KLHL26: variants seen among roughly 807,000 people sequenced by gnomAD.
KLHL26 encodes the protein kelch like family member 26.
In KLHL26, 4 loss-of-function variants were observed where a neutral mutation model predicts 7.1. The observed-to-expected ratio is 0.56, with a 90% CI of 0.28 to 1.28. The LOEUF is 1.28. Among genes scored for constraint, KLHL26 ranks in the 50% most tolerant of loss-of-function variants. The probability of loss-of-function intolerance (pLI) is 0.11; values close to 1 mark genes in which losing one functional copy is unlikely to be tolerated. For missense variants in KLHL26, 896 were observed against 924.6 expected, an observed-to-expected ratio of 0.97 and a Z score of 0.40; for synonymous variants, 465 against 414.1, an observed-to-expected ratio of 1.12 and a Z score of -1.49.
At position 18,649,198 on chromosome 19, in the gene KLHL26, T is replaced by C. The variant is rs1415513427; in HGVS notation, c.83+12061T>C. Among the ~76,000 whole-genome samples the C allele has an allele frequency of 6.6e-6, 1 of 152,218 alleles. No individual in the cohort carries two copies. The highest frequency in any genetic ancestry group is 1.5e-5 in the Non-Finnish European group (1 of 68,036). ...GGTACATTCTCTGCTTGAGGACCCA[T>C]GTCCCTGTAGAATGTACGTTCCCCA... On this transcript the variant is annotated intron_variant, in intron 1 of 2. Transcript: ENST00000300976. This position sits in a 1 kb window ranked among gnomAD's most constrained non-coding sequence, Gnocchi z 4.0.
In KLHL26 at chr19:18,656,796, C is replaced by G. The variant is rs1332912832; in HGVS notation, c.84-7465C>G. ...GCCTGGCCTGCCCAGCACGCCTGCC[C>G]TCCCAGCACAGGGCGGGAGTGGCGG... is the stretch of plus-strand genomic sequence containing the variant. On this transcript the variant is annotated intron_variant, in intron 1 of 2. Coordinates refer to ENST00000300976, the MANE Select transcript of KLHL26 (RefSeq NM_018316.3). This position sits in a 1 kb window ranked among gnomAD's most constrained non-coding sequence, Gnocchi z 4.4. Among the ~76,000 whole-genome samples the G allele has an allele frequency of 6.6e-6, 1 of 152,186 alleles. No homozygotes were observed. The highest frequency in any genetic ancestry group is 1.5e-5 in the Non-Finnish European group (1 of 68,028).
rs541956819 is a variant in KLHL26, at chr19:18,670,085, G to A, written c.*840G>A. 1.3e-5 allele frequency: 2 copies of A among 152,334 alleles called. No individual in the cohort carries two copies. Among genetic ancestry groups the A allele is most frequent in the South Asian group, 2.1e-4 (1 of 4,824 alleles). The allele number at this position is 152,334 out of a possible 1,614,324, so 9.4% of individuals were successfully genotyped here. ...GACGCTAACTTCAGAATCCCATAGTGGCGCTTGCCGCAGGTCTGGTGGGGT... is the reference window on the plus strand; with the variant it reads ...GACGCTAACTTCAGAATCCCATAGTAGCGCTTGCCGCAGGTCTGGTGGGGT... On this transcript the variant is annotated 3_prime_UTR_variant, in exon 3 of 3. Coordinates refer to ENST00000300976, the MANE Select transcript of KLHL26 (RefSeq NM_018316.3).
Position 18,637,142 on chromosome 19 carries a change from G to T in KLHL26, c.83+5G>T. ...GGGCCCCGAGCGCCCGAACAGGTGA[G>T]ACCCGGCCCGCAGGATAGACCTGCA... is the stretch of plus-strand genomic sequence containing the variant. On this transcript the variant is annotated splice_donor_5th_base_variant and intron_variant, in intron 1 of 2. Transcript: ENST00000300976. 7.5e-7 allele frequency: 1 copy of T among 1,334,636 alleles called. No individual in the cohort carries two copies. Among genetic ancestry groups the T allele is most frequent in the South Asian group, 2.0e-5 (1 of 49,146 alleles). The allele number at this position is 1,334,636 out of a possible 1,614,324, so 82.7% of individuals were successfully genotyped here. A position where few individuals can be genotyped will look rare whatever the true frequency, so the allele number is the denominator to read the frequency against.
chr19:18,642,682 T>G (rs780028221), intron 1 of KLHL26, among the ~76,000 whole-genome samples: 5 of 150,754 alleles, frequency 3.3e-5, no homozygotes, highest in Non-Finnish European at 5.9e-5. Context: ...TTTGTTTGTT[T>G]GTTTGGTTTG....
At chr19:18,655,205 G>T (rs1340501617) in intron 1 of KLHL26, among the ~76,000 whole-genome samples, 1 of 152,252 alleles carries the variant, frequency 6.6e-6, no homozygotes, top group Non-Finnish European at 1.5e-5. Flanking sequence ...TGGAGGACTA[G>T]TGGGGTAAAT....
rs2052339810 is a variant in KLHL26 at position 18,656,876 on chromosome 19, G to A, written c.84-7385G>A. On this transcript the variant is annotated intron_variant, in intron 1 of 2. Transcript: ENST00000300976. This position sits in a 1 kb window ranked among gnomAD's most constrained non-coding sequence, Gnocchi z 4.4. ...TTGGAGAAAATCAGCATGTCAAGCA[G>A]GAGGGAGACACAGACAGCTGCACCC... Among the ~76,000 whole-genome samples the A allele has an allele frequency of 6.6e-6, 1 of 152,112 alleles. No homozygotes were observed. Among genetic ancestry groups the A allele is most frequent in the Non-Finnish European group, 1.5e-5 (1 of 68,000 alleles).
rs2052505198 is a variant in KLHL26, at chr19:18,669,649, C to A, written c.*404C>A. On this transcript the variant is annotated 3_prime_UTR_variant, in exon 3 of 3. Coordinates refer to ENST00000300976, the MANE Select transcript of KLHL26 (RefSeq NM_018316.3). Reference sequence around the variant, plus strand: ...CAGATGTGAGCTCATCAACATTGAACCCAAAGTCGGTGGTATATGACTCAC... The same window carrying A: ...CAGATGTGAGCTCATCAACATTGAAACCAAAGTCGGTGGTATATGACTCAC... The A allele has an allele frequency of 5.5e-6, 2 of 364,958 alleles. No homozygotes were observed. Among genetic ancestry groups the A allele is most frequent in the Admixed American group, 4.3e-5 (1 of 23,290 alleles). 22.6% of individuals were successfully genotyped at this position (364,958 alleles called of 1,614,324 possible).
chr19:18,668,167 AGTC>A lies in KLHL26; in HGVS notation c.774_776del (p.Ser259del), dbSNP rs1018564559. 1.2e-5 allele frequency: 19 copies of A among 1,609,410 alleles called. No individual in the cohort carries two copies. The highest frequency in any genetic ancestry group is 1.4e-5 in the Non-Finnish European group (16 of 1,179,668). On this transcript the variant is annotated inframe_deletion, in exon 3 of 3. Coordinates refer to ENST00000300976, the MANE Select transcript of KLHL26 (RefSeq NM_018316.3). The stretch of plus-strand genomic sequence containing the variant: ...TGCCACATTCGCTTCCCGCTCATGC[AGTC>A]GTCCGAGCTGGTGGACAGCGTGCAG...
rs1347416346 is a variant in KLHL26, at chr19:18,670,901, C to CG, written c.*1660dup. On this transcript the variant is annotated 3_prime_UTR_variant, in exon 3 of 3. Coordinates refer to ENST00000300976, the MANE Select transcript of KLHL26 (RefSeq NM_018316.3). ...CTAATTTTTGTATTTTTAGTACAGACGGGGTTTCACCATGTTGGCCAGGCT... is the reference window on the plus strand; with the variant it reads ...CTAATTTTTGTATTTTTAGTACAGACGGGGGTTTCACCATGTTGGCCAGGCT... 1.3e-5 allele frequency: 2 copies of CG among 152,118 alleles called. No homozygotes were observed. The highest frequency in any genetic ancestry group is 2.4e-5 in the African/African-American group (1 of 41,394). 9.4% of individuals were successfully genotyped at this position (152,118 alleles called of 1,614,324 possible). A position where few individuals can be genotyped will look rare whatever the true frequency, so the allele number is the denominator to read the frequency against.
chr19:18,641,092 C>T (rs942205177), intron 1 of KLHL26, among the ~76,000 whole-genome samples: 2 of 151,978 alleles, frequency 1.3e-5, no homozygotes, highest in Non-Finnish European at 2.9e-5. Context: ...GATCCTAGCT[C>T]ACTGCACCCT....
In KLHL26 at chr19:18,669,463, C is replaced by T. The variant is rs1205081969; in HGVS notation, c.*218C>T. Reference sequence around the variant, plus strand: ...CATCCGAGGGAGCCTGCCGGCAAAGCGTCTGACATGTGGTGGCAGCAAATT... The same window carrying T: ...CATCCGAGGGAGCCTGCCGGCAAAGTGTCTGACATGTGGTGGCAGCAAATT... On this transcript the variant is annotated 3_prime_UTR_variant, in exon 3 of 3. Coordinates refer to ENST00000300976, the MANE Select transcript of KLHL26 (RefSeq NM_018316.3). 3.8e-5 allele frequency: 22 copies of T among 583,646 alleles called. No homozygotes were observed. The highest frequency in any genetic ancestry group is 2.9e-4 in the East Asian group (10 of 34,674). The allele number at this position is 583,646 out of a possible 1,614,324, so 36.2% of individuals were successfully genotyped here. A position where few individuals can be genotyped will look rare whatever the true frequency, so the allele number is the denominator to read the frequency against.
chr19:18,642,933 A>G (rs1417939257), intron 1 of KLHL26, among the ~76,000 whole-genome samples: 3 of 151,774 alleles, frequency 2.0e-5, no homozygotes, highest in Non-Finnish European at 1.5e-5. Context: ...TCCTGGGTTT[A>G]AGCGATTCTC....
intron 1 of KLHL26, among the ~76,000 whole-genome samples, chr19:18,663,193 G>A (rs375938449): frequency 2.0e-5 from 3 of 152,226 alleles, no homozygotes; most frequent in South Asian, 4.1e-4. Context: ...GCAGTGCCTC[G>A]CAGGCAGGGC....
intron 1 of KLHL26, among the ~76,000 whole-genome samples, chr19:18,651,968 G>GACCTGCCCAC (rs967989915): frequency 6.6e-5 from 10 of 152,330 alleles, no homozygotes; most frequent in Admixed American, 3.9e-4. Context: ...CTCAGGCCGA[G>GACCTGCCCAC]ACCTGCCCAC....
At chr19:18,652,589 CAAAAAAAAAA>C (rs5827418) in intron 1 of KLHL26, among the ~76,000 whole-genome samples, 5 of 87,652 alleles carry the variant, frequency 5.7e-5, no homozygotes, top group African/African-American at 9.0e-5. Flanking sequence ...GACTCCATCT[CAAAAAAAAAA>C]AAAAAAAAAG....
In KLHL26 at chr19:18,667,864, T is replaced by C; in HGVS notation, c.467T>C (p.Leu156Pro). The C allele has an allele frequency of 6.2e-7, 1 of 1,612,984 alleles. No homozygotes were observed. The highest frequency in any genetic ancestry group is 8.5e-7 in the Non-Finnish European group (1 of 1,179,996). The change falls in exon 3 of 3, where the codon CTG (leucine) becomes CCG (proline). Residue 156 changes from leucine to proline, a missense_variant. Transcript: ENST00000300976. The stretch of plus-strand genomic sequence containing the variant: ...GTGGTGGAGCTGTGCGAGGAGTTCC[T>C]GAAGGCGGCCATGAGCGTGGAGACC... ...LPVVELCEEF[L>P]KAAMSVETCL...
At chr19:18,667,448 C>G in intron 2 of KLHL26, 1 of 701,122 alleles carries the variant, frequency 1.4e-6, no homozygotes, top group Non-Finnish European at 2.3e-6. Context: ...TCATGATCCA[C>G]CCGCCTGGGC....
chr19:18,669,577 T>G lies in KLHL26; in HGVS notation c.*332T>G, dbSNP rs890161044. On this transcript the variant is annotated 3_prime_UTR_variant, in exon 3 of 3. Coordinates refer to ENST00000300976, the MANE Select transcript of KLHL26 (RefSeq NM_018316.3). Reference sequence around the variant, plus strand: ...GGTCTCCAGGGGGTCCCTGTGCAGCTCCATCTCACTTCTCTACTGCCTCCC... The same window carrying G: ...GGTCTCCAGGGGGTCCCTGTGCAGCGCCATCTCACTTCTCTACTGCCTCCC... The G allele has an allele frequency of 1.9e-6, 1 of 525,052 alleles. No homozygotes were observed. Among genetic ancestry groups the G allele is most frequent in the Non-Finnish European group, 3.3e-6 (1 of 298,650 alleles). 32.5% of individuals were successfully genotyped at this position (525,052 alleles called of 1,614,324 possible). A position where few individuals can be genotyped will look rare whatever the true frequency, so the allele number is the denominator to read the frequency against.
intron 1 of KLHL26, among the ~76,000 whole-genome samples, chr19:18,637,660 G>T (rs924522503): frequency 2.0e-5 from 3 of 147,378 alleles, no homozygotes; most frequent in African/African-American, 7.5e-5. Context: ...CTGGGTGGGG[G>T]ACTTAGGTGA....
Sources: gnomAD v4.1 joint callset for allele counts (sites outside exome capture counted in the v4.1 genomes callset) on GRCh38, gnomAD v4.1.1 for gene constraint, Gnocchi (gnomAD v3.1) non-coding constraint, MANE v1.5 for transcripts, NCBI Gene and HGNC (gene_info 2026-07-23, HGNC 2026-07-21) for gene names.